Variants in ASRGL1 observed in about 807,000 individuals in gnomAD.
The protein encoded by ASRGL1 is asparaginase and isoaspartyl peptidase 1, also known as isoaspartyl peptidase/L-asparaginase.
Under a neutral mutation model 22.4 loss-of-function variants are expected in ASRGL1, and 16 were observed. That is an observed-to-expected ratio of 0.71 (90% CI 0.48 to 1.08). The LOEUF is 1.08. ASRGL1 is among the 50% of genes least tolerant of loss of function. ASRGL1 has a pLI of 0.00. For synonymous variants in ASRGL1, 165 were observed against 159.3 expected, an observed-to-expected ratio of 1.04 and a Z score of -0.27; for missense variants, 412 against 410.1, an observed-to-expected ratio of 1.00 and a Z score of -0.04.
At chr11:62,355,372 C>T (rs1946258386) in intron 2 of ASRGL1, among the ~76,000 whole-genome samples, 1 of 152,040 alleles carries the variant, frequency 6.6e-6, no homozygotes, top group Admixed American at 6.5e-5. Context: ...ACTACAGGTG[C>T]GGGCCACCAT....
intron 2 of ASRGL1, among the ~76,000 whole-genome samples, chr11:62,352,848 T>C (rs568777392): frequency 6.6e-6 from 1 of 152,302 alleles, no homozygotes; most frequent in Non-Finnish European, 1.5e-5. Context: ...CTTGCTACTT[T>C]CAATGTTTTT....
At chr11:62,371,231 G>T in intron 4 of ASRGL1, 1 of 1,261,982 alleles carries the variant, frequency 7.9e-7, no homozygotes, top group South Asian at 1.6e-5. Flanking sequence ...CGGCCCCGCA[G>T]CCGGAAGCGC....
intron 2 of ASRGL1, among the ~76,000 whole-genome samples, chr11:62,344,006 G>A (rs572526137): frequency 7.6e-6 from 1 of 131,240 alleles, no homozygotes; most frequent in Non-Finnish European, 1.6e-5. Flanking sequence ...TCAGCTCACC[G>A]CAACCTCCAC....
In ASRGL1 at chr11:62,378,443, A is replaced by AAGCATT. The variant is rs556615464; in HGVS notation, c.492-10690_492-10689insAGCATT. Among the ~76,000 whole-genome samples, 466 of 152,288 alleles carry AAGCATT rather than the reference A, an allele frequency of 3.1e-3. 2 individuals are homozygous for AAGCATT. The highest frequency in any genetic ancestry group is 0.01 in the African/African-American group (433 of 41,536). ...GGACTATTAAGCATTCCCTGAGGTA[A>AAGCATT]CACTTTCCACTGAAATCTGGTGGCT... On this transcript the variant is annotated intron_variant, in intron 4 of 6. Transcript: ENST00000415229.
intron 4 of ASRGL1, among the ~76,000 whole-genome samples, chr11:62,373,891 G>A (rs1258079147): frequency 1.3e-5 from 2 of 152,244 alleles, no homozygotes; most frequent in Admixed American, 6.5e-5. Flanking sequence ...GGAACCATGG[G>A]GACTTGGGGG....
At chr11:62,354,601 C>T (rs1195340828) in intron 2 of ASRGL1, among the ~76,000 whole-genome samples, 1 of 152,082 alleles carries the variant, frequency 6.6e-6, no homozygotes, top group African/African-American at 2.4e-5. Context: ...GCTTGGTATT[C>T]GAGACGGCTG....
At chr11:62,372,976 C>T (rs1297767938) in intron 4 of ASRGL1, 8 of 1,450,540 alleles carry the variant, frequency 5.5e-6, no homozygotes, top group South Asian at 2.3e-5. Context: ...GGCCCATCAC[C>T]GACCTTTGGG....
At chr11:62,371,953 CAAA>C (rs35892721) in intron 4 of ASRGL1, 9,412 of 415,424 alleles carry the variant, frequency 0.023, 266 homozygotes, top group African/African-American at 0.17. Context: ...GACTCCGTCT[CAAA>C]AAAAAAAAAA....
At chr11:62,385,929 T>C (rs1019454418) in intron 4 of ASRGL1, among the ~76,000 whole-genome samples, 1 of 151,580 alleles carries the variant, frequency 6.6e-6, no homozygotes, top group African/African-American at 2.4e-5. Context: ...TTTGGGAGGC[T>C]GAGGTGGGTG....
intron 2 of ASRGL1, among the ~76,000 whole-genome samples, chr11:62,345,105 A>G (rs1283177664): frequency 6.6e-6 from 1 of 151,988 alleles, no homozygotes; most frequent in Non-Finnish European, 1.5e-5. Flanking sequence ...TCATTTCTTT[A>G]TTCATCTGTT....
intron 4 of ASRGL1, chr11:62,382,262 GACCCCC>G (rs1947089638): frequency 6.6e-6 from 1 of 151,730 alleles, no homozygotes; most frequent in African/African-American, 2.4e-5. Context: ...GCATACGGAG[GACCCCC>G]ACCGGCAACA....
chr11:62,353,493 G>C (rs1365910935), intron 2 of ASRGL1, among the ~76,000 whole-genome samples: 1 of 151,862 alleles, frequency 6.6e-6, no homozygotes, highest in Admixed American at 6.6e-5. Context: ...TTGGGTGTGT[G>C]CTACTATGCC....
chr11:62,346,541 G>A (rs1048610678), intron 2 of ASRGL1, among the ~76,000 whole-genome samples: 9 of 152,200 alleles, frequency 5.9e-5, no homozygotes, highest in African/African-American at 1.7e-4. Flanking sequence ...CTGTGACGAT[G>A]TGCAGATGTG....
At chr11:62,340,938 G>A (rs755977244) in intron 2 of ASRGL1, among the ~76,000 whole-genome samples, 11 of 152,128 alleles carry the variant, frequency 7.2e-5, no homozygotes, top group Non-Finnish European at 1.2e-4. Flanking sequence ...AAAACATTAT[G>A]TTTATTTACA....
chr11:62,359,233 G>T (rs757468724), intron 4 of ASRGL1, among the ~76,000 whole-genome samples: 1 of 152,120 alleles, frequency 6.6e-6, no homozygotes, highest in African/African-American at 2.4e-5. Flanking sequence ...TCACATCTGA[G>T]GTCAGGAGTT....
At chr11:62,385,693 C>T (rs1011520263) in intron 4 of ASRGL1, among the ~76,000 whole-genome samples, 9 of 141,796 alleles carry the variant, frequency 6.3e-5, no homozygotes, top group Non-Finnish European at 9.4e-5. Context: ...GGTGAAACCC[C>T]GTCTCTACTA....
At chr11:62,347,410 C>G (rs1946053813) in intron 2 of ASRGL1, among the ~76,000 whole-genome samples, 1 of 152,188 alleles carries the variant, frequency 6.6e-6, no homozygotes. Context: ...TTCAGGCCCT[C>G]TGATTACACG....
At chr11:62,341,525 A>G (rs1945863341) in intron 2 of ASRGL1, among the ~76,000 whole-genome samples, 7 of 152,060 alleles carry the variant, frequency 4.6e-5, no homozygotes, top group Admixed American at 3.9e-4. Flanking sequence ...TCATTTATCC[A>G]GTCTCTTTCT....
chr11:62,346,375 C>T (rs560837169), intron 2 of ASRGL1, among the ~76,000 whole-genome samples: 1 of 152,188 alleles, frequency 6.6e-6, no homozygotes, highest in South Asian at 2.1e-4. Flanking sequence ...AGCACACCAC[C>T]CTCCTGGCAC....
Sources: gnomAD v4.1 joint callset for allele counts (sites outside exome capture counted in the v4.1 genomes callset) on GRCh38, gnomAD v4.1.1 for gene constraint, MANE v1.5 for transcripts, NCBI Gene and HGNC (gene_info 2026-07-23, HGNC 2026-07-21) for gene names.